Variants in LMNTD1 observed in about 807,000 individuals in gnomAD.
The protein encoded by LMNTD1 is lamin tail domain containing 1.
LMNTD1 carries 35 observed loss-of-function variants against 50.9 expected under a neutral mutation model. The observed-to-expected ratio is 0.69, with a 90% CI of 0.53 to 0.91. LMNTD1 has a LOEUF of 0.91. Among genes scored for constraint, LMNTD1 ranks in the 40% least tolerant of loss-of-function variants. LMNTD1 has a pLI of 0.00. For missense variants in LMNTD1, 470 were observed against 475.5 expected, an observed-to-expected ratio of 0.99 and a Z score of 0.11; for synonymous variants, 153 against 161.9, an observed-to-expected ratio of 0.94 and a Z score of 0.42.
rs77851562 is a variant in LMNTD1 at position 25,531,170 on chromosome 12, T to C, written c.492-4215A>G. Among the ~76,000 whole-genome samples the C allele has an allele frequency of 4.0e-3, 608 of 152,298 alleles. 7 individuals carry two copies. The highest frequency in any genetic ancestry group is 0.016 in the East Asian group (82 of 5,180). ...GCATGGAAGCAGATTTATTTCAGTG[T>C]CCAGATAAGAGCCTATTTAACATCT... On this transcript the variant is annotated intron_variant, in intron 4 of 9. Coordinates refer to ENST00000458174, the MANE Select transcript of LMNTD1 (RefSeq NM_001145728.2).
intron 4 of LMNTD1, among the ~76,000 whole-genome samples, chr12:25,531,978 CT>C (rs1223907369): frequency 6.6e-6 from 1 of 151,998 alleles, no homozygotes; most frequent in Non-Finnish European, 1.5e-5. Flanking sequence ...GTTTATGATT[CT>C]TTTAGTTCCC....
chr12:25,602,592 G>C (rs1946005097), intron 1 of LMNTD1, among the ~76,000 whole-genome samples: 1 of 151,944 alleles, frequency 6.6e-6, no homozygotes, highest in Admixed American at 6.6e-5. Flanking sequence ...GCTTTTAATT[G>C]CTGACAGTCA....
chr12:25,549,931 C>T (rs1346105841), intron 2 of LMNTD1, among the ~76,000 whole-genome samples: 1 of 152,112 alleles, frequency 6.6e-6, no homozygotes, highest in Non-Finnish European at 1.5e-5. Flanking sequence ...CCACTTTGAT[C>T]ACTTACCATT....
At chr12:25,542,266 G>A (rs1943132791) in intron 4 of LMNTD1, among the ~76,000 whole-genome samples, 2 of 152,090 alleles carry the variant, frequency 1.3e-5, no homozygotes, top group African/African-American at 4.8e-5. Flanking sequence ...AAAGACACAT[G>A]CACGTGTATG....
Position 25,612,866 on chromosome 12 carries a change from G to A in LMNTD1, c.58+35628C>T, listed in dbSNP as rs562150694. On this transcript the variant is annotated intron_variant, in intron 1 of 7. Transcript: ENST00000445693. The stretch of plus-strand genomic sequence containing the variant: ...TGACTTTCAGATGTGAATAGATTAA[G>A]GATCTTGAGGTAAGGTGATCTCCTG... Among the ~76,000 whole-genome samples the A allele has an allele frequency of 8.7e-4, 133 of 152,240 alleles. 1 individual carries two copies. Among genetic ancestry groups the A allele is most frequent in the African/African-American group, 3.0e-3 (123 of 41,548 alleles).
At chr12:25,514,978 T>C (rs987449061) in intron 8 of LMNTD1, among the ~76,000 whole-genome samples, 4 of 152,110 alleles carry the variant, frequency 2.6e-5, no homozygotes, top group Non-Finnish European at 5.9e-5. Context: ...ATTAGCAAAA[T>C]TCTTCCTAGA....
At position 25,520,078 on chromosome 12, in the gene LMNTD1, A is replaced by G; in HGVS notation, c.799-3T>C. The G allele has an allele frequency of 6.3e-7, 1 of 1,598,480 alleles. No individual in the cohort carries two copies. Among genetic ancestry groups the G allele is most frequent in the East Asian group, 2.3e-5 (1 of 44,352 alleles). On this transcript the variant is annotated splice_polypyrimidine_tract_variant and splice_region_variant and intron_variant, in intron 6 of 9. Transcript: ENST00000458174. The stretch of plus-strand genomic sequence containing the variant: ...ATAGGGGTGTACCACGCAATGGCCT[A>G]ATGAAAATGATTTATTAATGTTGGC...
In LMNTD1 at chr12:25,552,903, A is replaced by G. The variant is rs150291902; in HGVS notation, c.57T>C (p.His19=). ...GTTTCTCATTCTTATCTTCCTGCTC[A>G]TGGACTTTATTCTGCATTGCCTTCG... ...EASKAMQNKV[H]EQEDKNEKQK... is the part of the protein sequence containing the mutation. The change falls in exon 2 of 10, where the codon CAT becomes CAC. Residue 19 remains histidine (H), a synonymous_variant. Coordinates refer to ENST00000458174, the MANE Select transcript of LMNTD1 (RefSeq NM_001145728.2). The G allele has an allele frequency of 2.1e-5, 33 of 1,552,618 alleles. No homozygotes were observed. In the African/African-American group the frequency reaches 4.2e-4, roughly 20 times the overall value.
At chr12:25,488,037 C>T (rs913547953) in intron 9 of LMNTD1, among the ~76,000 whole-genome samples, 1 of 148,068 alleles carries the variant, frequency 6.8e-6, no homozygotes, top group Non-Finnish European at 1.5e-5. Flanking sequence ...TGAGGGTAAC[C>T]CGACCTTTCT....
chr12:25,574,086 T>C (rs1944902692), intron 1 of LMNTD1, among the ~76,000 whole-genome samples: 1 of 152,178 alleles, frequency 6.6e-6, no homozygotes, highest in Non-Finnish European at 1.5e-5. Context: ...CCCCATATTC[T>C]CTTGTGTTTA....
At chr12:25,545,991 G>C (rs924595991) in intron 4 of LMNTD1, among the ~76,000 whole-genome samples, 1 of 151,462 alleles carries the variant, frequency 6.6e-6, no homozygotes, top group Non-Finnish European at 1.5e-5. Context: ...TCATAAAAAT[G>C]GATCAATGAA....
intron 1 of LMNTD1, among the ~76,000 whole-genome samples, chr12:25,632,085 C>G (rs1946730783): frequency 6.6e-6 from 1 of 152,066 alleles, no homozygotes; most frequent in Non-Finnish European, 1.5e-5. Flanking sequence ...CAAATTAACC[C>G]AATCAAACAA....
At chr12:25,567,347 C>T (rs942170362) in intron 1 of LMNTD1, among the ~76,000 whole-genome samples, 1 of 152,170 alleles carries the variant, frequency 6.6e-6, no homozygotes, top group African/African-American at 2.4e-5. Flanking sequence ...TGAGTAAATA[C>T]TTCTACAATT....
upstream of LMNTD1, among the ~76,000 whole-genome samples, chr12:25,557,969 G>A (rs1187612534): frequency 1.3e-5 from 2 of 152,154 alleles, no homozygotes; most frequent in Non-Finnish European, 2.9e-5. Context: ...CTGCAAACAG[G>A]ATAAAGGCAG....
At chr12:25,627,738 T>C (rs941075288) in intron 1 of LMNTD1, among the ~76,000 whole-genome samples, 1 of 152,226 alleles carries the variant, frequency 6.6e-6, no homozygotes, top group Non-Finnish European at 1.5e-5. Context: ...AACTACATTT[T>C]ATTGCACATA....
At chr12:25,501,250 C>A (rs1054148924) in intron 9 of LMNTD1, among the ~76,000 whole-genome samples, 12 of 152,154 alleles carry the variant, frequency 7.9e-5, no homozygotes, top group African/African-American at 2.2e-4. Context: ...CTAGGCCTCC[C>A]AAAGTGCTGG....
chr12:25,572,886 C>G (rs777453349), intron 1 of LMNTD1, among the ~76,000 whole-genome samples: 29 of 144,492 alleles, frequency 2.0e-4, no homozygotes, highest in Admixed American at 6.9e-4. Flanking sequence ...ACTGCTCACT[C>G]GCATTTCCCA....
At chr12:25,487,020 C>A (rs966089089) in intron 9 of LMNTD1, among the ~76,000 whole-genome samples, 1 of 150,994 alleles carries the variant, frequency 6.6e-6, no homozygotes, top group Non-Finnish European at 1.5e-5. Flanking sequence ...AATTTCTGTT[C>A]TTTTACATTT....
At chr12:25,617,298 G>A (rs370447168) in intron 1 of LMNTD1, among the ~76,000 whole-genome samples, 29 of 152,320 alleles carry the variant, frequency 1.9e-4, no homozygotes, top group African/African-American at 7.0e-4. Context: ...ATTTTACAGA[G>A]CTCCAGTGTC....
Sources: gnomAD v4.1 joint callset for allele counts (sites outside exome capture counted in the v4.1 genomes callset) on GRCh38, gnomAD v4.1.1 for gene constraint, MANE v1.5 for transcripts, NCBI Gene and HGNC (gene_info 2026-07-23, HGNC 2026-07-21) for gene names.